KCNQ5: variants seen among roughly 807,000 people sequenced by gnomAD.
KCNQ5 encodes the protein potassium voltage-gated channel subfamily KQT member 5.
In KCNQ5, 30 loss-of-function variants were observed where a neutral mutation model predicts 98.2. The ratio of observed to expected loss-of-function variants is 0.31; its 90% confidence interval spans 0.23 to 0.41. KCNQ5 has a LOEUF of 0.41. KCNQ5 is among the 10% of genes least tolerant of loss of function. The probability of loss-of-function intolerance (pLI) is 1.00; values close to 1 mark genes in which losing one functional copy is unlikely to be tolerated. For synonymous variants in KCNQ5, 458 were observed against 449.4 expected (o/e 1.02, Z -0.24); for missense variants, 835 against 1,182.5 (o/e 0.71, Z 4.31).
chr6:73,145,366 T>G (rs1776881335), intron 10 of KCNQ5, among the ~76,000 whole-genome samples: 1 of 152,208 alleles, frequency 6.6e-6, no homozygotes, highest in Admixed American at 6.5e-5. Context: ...GTTCAAAGCT[T>G]TTTATGTTCT....
chr6:72,829,101 T>A lies in KCNQ5; in HGVS notation c.399-174807T>A, dbSNP rs376583336. On this transcript the variant is annotated intron_variant, in intron 1 of 13. Transcript: ENST00000370398. Reference sequence around the variant, plus strand: ...TTGACTGTGGTGTGGCCCACACACCTTTGCTTGCCTGTTTCTCCTCCCACA... The same window carrying A: ...TTGACTGTGGTGTGGCCCACACACCATTGCTTGCCTGTTTCTCCTCCCACA... Among the ~76,000 whole-genome samples the A allele has an allele frequency of 3.3e-5, 5 of 152,236 alleles. No individual in the cohort carries two copies. The East Asian group carries it at 7.7e-4, about 24-fold the overall frequency.
intron 7 of KCNQ5, among the ~76,000 whole-genome samples, chr6:73,116,629 T>G (rs1273397480): frequency 6.6e-6 from 1 of 152,178 alleles, no homozygotes; most frequent in Non-Finnish European, 1.5e-5. Flanking sequence ...TGAGCTATAA[T>G]TGTACCACTG....
chr6:73,181,097 T>A (rs1235819234), intron 11 of KCNQ5, among the ~76,000 whole-genome samples: 1 of 152,232 alleles, frequency 6.6e-6, no homozygotes, highest in Non-Finnish European at 1.5e-5. Flanking sequence ...ATAGATGTCG[T>A]CTACCCAGAG....
At chr6:72,903,411 G>T (rs1779583187) in intron 1 of KCNQ5, among the ~76,000 whole-genome samples, 1 of 152,096 alleles carries the variant, frequency 6.6e-6, no homozygotes. Flanking sequence ...GTTCCTTGAG[G>T]TGTGACGTTA....
intron 1 of KCNQ5, among the ~76,000 whole-genome samples, chr6:72,688,733 T>G (rs542812144): frequency 3.3e-5 from 5 of 152,202 alleles, no homozygotes; most frequent in Non-Finnish European, 7.3e-5. Flanking sequence ...TTATTAAAAT[T>G]GCATCGTATT....
intron 1 of KCNQ5, among the ~76,000 whole-genome samples, chr6:72,739,505 C>T (rs1356975879): frequency 6.6e-6 from 1 of 152,208 alleles, no homozygotes; most frequent in African/African-American, 2.4e-5. Context: ...ATCTCTATTG[C>T]TTCTGAACTT....
At chr6:73,042,239 T>C (rs1273859749) in intron 3 of KCNQ5, 177 bp downstream of exon 3, 2 of 674,784 alleles carry the variant, frequency 3.0e-6, no homozygotes, top group Non-Finnish European at 5.2e-6. Flanking sequence ...CACAGCATTA[T>C]GAGGTAGATA....
intron 1 of KCNQ5, among the ~76,000 whole-genome samples, chr6:72,693,359 C>T (rs1768311302): frequency 6.6e-6 from 1 of 152,062 alleles, no homozygotes; most frequent in African/African-American, 2.4e-5. Flanking sequence ...AGTGCCAAAT[C>T]CTGTTAGGGC....
intron 8 of KCNQ5, 39 bp from the exon 9 acceptor site, chr6:73,124,447 G>A (rs770958411): frequency 6.2e-7 from 1 of 1,608,296 alleles, no homozygotes; most frequent in Non-Finnish European, 8.5e-7. Flanking sequence ...ATATTCACTG[G>A]TTTATCATCA....
At chr6:72,831,467 A>T (rs542655931) in intron 1 of KCNQ5, among the ~76,000 whole-genome samples, 3 of 152,174 alleles carry the variant, frequency 2.0e-5, no homozygotes, top group African/African-American at 7.2e-5. Flanking sequence ...TTCTCAGCAG[A>T]CTATCGCAAG....
At chr6:72,707,061 T>C (rs1769127171) in intron 1 of KCNQ5, among the ~76,000 whole-genome samples, 1 of 152,208 alleles carries the variant, frequency 6.6e-6, no homozygotes, top group South Asian at 2.1e-4. Flanking sequence ...TGTGTGTATA[T>C]GTGTATACCC....
chr6:72,877,013 C>T (rs567195999), intron 1 of KCNQ5, among the ~76,000 whole-genome samples: 38 of 152,176 alleles, frequency 2.5e-4, no homozygotes, highest in African/African-American at 8.4e-4. Context: ...TGGTCTGTCC[C>T]GTATGCATCC....
At chr6:72,998,854 G>A (rs924273106) in intron 1 of KCNQ5, among the ~76,000 whole-genome samples, 6 of 152,176 alleles carry the variant, frequency 3.9e-5, no homozygotes, top group Non-Finnish European at 8.8e-5. Flanking sequence ...CTTGCAGAGA[G>A]CACCTGCTAG....
At chr6:72,928,369 A>T (rs1562073445) in intron 1 of KCNQ5, among the ~76,000 whole-genome samples, 1 of 151,916 alleles carries the variant, frequency 6.6e-6, no homozygotes, top group Non-Finnish European at 1.5e-5. Context: ...CTTTGCCAAA[A>T]CTCTAAGGAA....
At chr6:72,644,901 T>A (rs1027677006) in intron 1 of KCNQ5, among the ~76,000 whole-genome samples, 1 of 152,160 alleles carries the variant, frequency 6.6e-6, no homozygotes, top group Admixed American at 6.5e-5. Context: ...ATTCTCTGAA[T>A]CAGGCTCCTG....
intron 1 of KCNQ5, among the ~76,000 whole-genome samples, chr6:72,646,583 C>T (rs1765607024): frequency 6.6e-6 from 1 of 152,134 alleles, no homozygotes; most frequent in South Asian, 2.1e-4. Flanking sequence ...CAGAAGCTTT[C>T]AGTAAAACTA....
In KCNQ5 at chr6:72,656,986, T is replaced by G. The variant is rs183891751; in HGVS notation, c.398+34399T>G. On this transcript the variant is annotated intron_variant, in intron 1 of 13. Coordinates refer to ENST00000370398, the MANE Select transcript of KCNQ5 (RefSeq NM_019842.4). Reference sequence around the variant, plus strand: ...GGGAGGCCAAGGTGGGAGGATCACTTGAAGCCAGGAGTTTGAGACCAATCT... The same window carrying G: ...GGGAGGCCAAGGTGGGAGGATCACTGGAAGCCAGGAGTTTGAGACCAATCT... Among the ~76,000 whole-genome samples the G allele has an allele frequency of 1.0e-3, 152 of 152,278 alleles. 1 individual carries two copies. The highest frequency in any genetic ancestry group is 4.9e-4 in the Non-Finnish European group (33 of 68,032).
At chr6:73,128,067 A>G (rs7738095) in intron 9 of KCNQ5, among the ~76,000 whole-genome samples, 40 of 152,280 alleles carry the variant, frequency 2.6e-4, no homozygotes, top group African/African-American at 9.6e-4. Context: ...TCCATCTCAA[A>G]AAATAAAAAA....
intron 11 of KCNQ5, among the ~76,000 whole-genome samples, chr6:73,188,655 CA>C (rs953765735): frequency 1.3e-5 from 2 of 152,134 alleles, no homozygotes; most frequent in African/African-American, 4.8e-5. Flanking sequence ...GTGGTAACAA[CA>C]ATAGCTAACT....
Sources: allele counts gnomAD v4.1 joint callset (sites outside exome capture counted in the v4.1 genomes callset), GRCh38; gene constraint gnomAD v4.1.1; transcripts MANE v1.5; gene names NCBI Gene and HGNC (gene_info 2026-07-23, HGNC 2026-07-21).